PLPPR1: variants seen among roughly 807,000 people sequenced by gnomAD.
PLPPR1 encodes the protein phospholipid phosphatase related 1, also known as phospholipid phosphatase-related protein type 1.
Under a neutral mutation model 33.1 loss-of-function variants are expected in PLPPR1, and 10 were observed. The ratio of observed to expected loss-of-function variants is 0.30; its 90% CI spans 0.19 to 0.51. The LOEUF is 0.51. Ranked by LOEUF, PLPPR1 falls within the 20% of genes least tolerant of loss-of-function variation. PLPPR1 has a pLI of 0.97. For synonymous variants in PLPPR1, 151 were observed against 151.0 expected (o/e 1.00, Z 0.00); for missense variants, 304 against 408.1 (o/e 0.74, Z 2.20).
In PLPPR1 at chr9:101,186,328, G is replaced by GT. The variant is rs950461644; in HGVS notation, c.63+780dup. Among the ~76,000 whole-genome samples the GT allele has an allele frequency of 3.1e-3, 472 of 150,574 alleles. 3 individuals carry two copies. Among genetic ancestry groups the GT allele is most frequent in the African/African-American group, 0.011 (445 of 41,108 alleles). On this transcript the variant is annotated intron_variant, in intron 2 of 7. Transcript: ENST00000374874. ...AGAAAATAGGGCGTCTAGTGGATCG[G>GT]TTTTTTTTTAGCCTAAAGATCAGAC...
intron 1 of PLPPR1, among the ~76,000 whole-genome samples, chr9:101,034,003 C>G (rs994678331): frequency 5.9e-5 from 9 of 151,652 alleles, no homozygotes; most frequent in African/African-American, 2.2e-4. Context: ...TTTAGTATAG[C>G]AGTGTGCTCA....
intron 2 of PLPPR1, among the ~76,000 whole-genome samples, chr9:101,234,799 G>A (rs1201870866): frequency 6.6e-6 from 1 of 151,794 alleles, no homozygotes; most frequent in Non-Finnish European, 1.5e-5. Flanking sequence ...CTTAAAAGTG[G>A]GTGAGAATTA....
At chr9:101,202,698 G>C (rs888519235) in intron 2 of PLPPR1, among the ~76,000 whole-genome samples, 1 of 152,196 alleles carries the variant, frequency 6.6e-6, no homozygotes, top group African/African-American at 2.4e-5. Flanking sequence ...GAGAAATGGG[G>C]CTCTGTGCAT....
chr9:101,323,937 C>CA (rs1174673601), intron 7 of PLPPR1, 88 bp from the exon 8 acceptor site: 1 of 1,156,500 alleles, frequency 8.6e-7, no homozygotes, highest in African/African-American at 1.5e-5. Flanking sequence ...CTTGAGGAGA[C>CA]AAAACAAGGG....
In PLPPR1 at chr9:101,227,934, C is replaced by T. The variant is rs201967646; in HGVS notation, c.64-41946C>T. Among the ~76,000 whole-genome samples the T allele has an allele frequency of 2.0e-5, 3 of 152,236 alleles. No individual in the cohort carries two copies. In the East Asian group the frequency reaches 5.8e-4, roughly 30 times the overall value. ...CTGGGATTACAGGCATGTGCCATCA[C>T]ACCCGGCTAATTATTTACATTTTTA... On this transcript the variant is annotated intron_variant, in intron 2 of 7. Transcript: ENST00000374874.
At chr9:101,130,465 TA>T (rs755707345) in intron 1 of PLPPR1, among the ~76,000 whole-genome samples, 26 of 152,206 alleles carry the variant, frequency 1.7e-4, no homozygotes, top group Non-Finnish European at 3.5e-4. Context: ...AGGGATGCTT[TA>T]AAAACTAATT....
At chr9:101,193,496 G>T (rs1406600031) in intron 2 of PLPPR1, among the ~76,000 whole-genome samples, 1 of 152,132 alleles carries the variant, frequency 6.6e-6, no homozygotes, top group Non-Finnish European at 1.5e-5. Flanking sequence ...TGAATGAGAA[G>T]GGATAAGGTC....
chr9:101,057,563 C>G (rs911789248), intron 1 of PLPPR1, among the ~76,000 whole-genome samples: 1 of 151,980 alleles, frequency 6.6e-6, no homozygotes, highest in Admixed American at 6.6e-5. Flanking sequence ...CATTTAATAA[C>G]TACTGCCTTT....
intron 1 of PLPPR1, among the ~76,000 whole-genome samples, chr9:101,181,057 A>G (rs2118708716): frequency 6.6e-6 from 1 of 150,462 alleles, no homozygotes; most frequent in East Asian, 1.9e-4. Context: ...CAATCTAAAC[A>G]TGGTCAAAGA....
intron 1 of PLPPR1, among the ~76,000 whole-genome samples, chr9:101,139,338 G>A (rs954387898): frequency 2.6e-5 from 4 of 152,136 alleles, no homozygotes; most frequent in African/African-American, 7.2e-5. Context: ...GAGCTAATGA[G>A]GGGTGTGTGC....
chr9:101,071,533 G>T (rs993669207), intron 1 of PLPPR1, among the ~76,000 whole-genome samples: 4 of 151,918 alleles, frequency 2.6e-5, no homozygotes, highest in African/African-American at 9.7e-5. Flanking sequence ...ACAGGTGTGT[G>T]GATTCATCCT....
intron 4 of PLPPR1, among the ~76,000 whole-genome samples, chr9:101,298,573 T>C (rs1001890609): frequency 2.0e-5 from 3 of 152,182 alleles, no homozygotes; most frequent in Non-Finnish European, 4.4e-5. Flanking sequence ...AAGACTTTAT[T>C]TGATTCAATT....
At chr9:101,267,613 A>G (rs531141233) in intron 2 of PLPPR1, among the ~76,000 whole-genome samples, 1 of 152,356 alleles carries the variant, frequency 6.6e-6, no homozygotes, top group African/African-American at 2.4e-5. Flanking sequence ...GGGCTAGTGA[A>G]TGAAGAGATG....
At chr9:101,038,791 T>C (rs1007442653) in intron 1 of PLPPR1, among the ~76,000 whole-genome samples, 1 of 152,120 alleles carries the variant, frequency 6.6e-6, no homozygotes, top group Non-Finnish European at 1.5e-5. Context: ...CTGCAGAGAT[T>C]GCGTGCCCAT....
intron 1 of PLPPR1, chr9:101,125,566 A>T (rs138458580): frequency 4.0e-6 from 2 of 505,088 alleles, no homozygotes; most frequent in Non-Finnish European, 7.5e-6. Flanking sequence ...TCTCCTGCCT[A>T]AAGCAGGAAA....
At chr9:101,317,319 G>A in intron 6 of PLPPR1, 46 bp from the exon 7 acceptor site, 1 of 1,585,654 alleles carries the variant, frequency 6.3e-7, no homozygotes, top group East Asian at 2.2e-5. Context: ...GCCAGGCATT[G>A]ATGGCTGCAG....
In PLPPR1 at chr9:101,078,175, AGAAGAAGAAGAG is replaced by A. The variant is rs1564138253; in HGVS notation, c.-46+49076_-46+49087del. Among the ~76,000 whole-genome samples, 100 of 21,870 alleles carry A rather than the reference AGAAGAAGAAGAG, an allele frequency of 4.6e-3. 3 individuals are homozygous for A. The highest frequency in any genetic ancestry group is 6.0e-3 in the Non-Finnish European group (77 of 12,828). The allele number at this position is 21,870 out of a possible 152,430, so 14.3% of individuals were successfully genotyped here. On this transcript the variant is annotated intron_variant, in intron 1 of 7. Transcript: ENST00000374874. Reference sequence around the variant, plus strand: ...AAGAAGAAGAAGAAGAAGAAGAAGAAGAAGAAGAAGAGGAGGGGGGGAGGGGGAGGGGGAGGG... The same window carrying A: ...AAGAAGAAGAAGAAGAAGAAGAAGAAGAGGGGGGGAGGGGGAGGGGGAGGG...
At chr9:101,259,622 G>C (rs543552733) in intron 2 of PLPPR1, among the ~76,000 whole-genome samples, 93 of 152,272 alleles carry the variant, frequency 6.1e-4, no homozygotes, top group African/African-American at 2.0e-3. Context: ...AGGTTAAAGA[G>C]ACATGCCTAT....
At chr9:101,065,769 TA>T (rs1830405020) in intron 1 of PLPPR1, among the ~76,000 whole-genome samples, 1 of 152,078 alleles carries the variant, frequency 6.6e-6, no homozygotes, top group African/African-American at 2.4e-5. Flanking sequence ...TATTTATAGT[TA>T]GAAATATACT....
Sources: gnomAD v4.1 joint callset for allele counts (sites outside exome capture counted in the v4.1 genomes callset) on GRCh38, gnomAD v4.1.1 for gene constraint, MANE v1.5 for transcripts, NCBI Gene and HGNC (gene_info 2026-07-23, HGNC 2026-07-21) for gene names.